The following PIGK variants were observed in gnomAD, a reference collection of about 807,000 sequenced individuals.
The protein encoded by PIGK is GPI-anchor transamidase.
Under a neutral mutation model 50.6 loss-of-function variants are expected in PIGK, and 42 were observed. The observed-to-expected ratio is 0.83, with a 90% CI of 0.65 to 1.07. The LOEUF is 1.07. Among genes scored for constraint, PIGK ranks in the 50% least tolerant of loss-of-function variants. The pLI, the probability that PIGK is intolerant of heterozygous loss-of-function variation, is 0.00. For missense variants in PIGK, 448 were observed against 488.7 expected, an observed-to-expected ratio of 0.92 and a Z score of 0.78; for synonymous variants, 151 against 156.0, an observed-to-expected ratio of 0.97 and a Z score of 0.24.
intron 3 of PIGK, among the ~76,000 whole-genome samples, chr1:77,170,929 T>C (rs921818926): frequency 1.3e-5 from 2 of 152,268 alleles, no homozygotes; most frequent in Admixed American, 1.3e-4. Flanking sequence ...GCTAGATTTC[T>C]ACTTTGAAAG....
At chr1:77,159,827 A>C (rs1655096072) in intron 8 of PIGK, among the ~76,000 whole-genome samples, 1 of 152,184 alleles carries the variant, frequency 6.6e-6, no homozygotes, top group Non-Finnish European at 1.5e-5. Context: ...TTGCAGGCTC[A>C]CAGGCAGAAG....
chr1:77,163,849 C>T lies in PIGK; in HGVS notation c.581G>A (p.Arg194Lys). 1 of 1,584,022 alleles carries T rather than the reference C, an allele frequency of 6.3e-7. No homozygotes were observed. The highest frequency in any genetic ancestry group is 1.3e-5 in the African/African-American group (1 of 74,302). ...AAAGAAGTAATTTGCTAATTACCGT[C>T]TTTTCTGCCACATTTGTTCAAAAGC... ...ADAFEQMWQK[R>K]RYNELLFIID... Residue 194 changes from arginine (R) to lysine (K), a missense_variant, in exon 6 of 11, where the codon AGA (arginine) becomes AAA (lysine). Transcript: ENST00000370812.
chr1:77,130,769 G>A (rs554608764), intron 9 of PIGK, among the ~76,000 whole-genome samples: 3 of 152,200 alleles, frequency 2.0e-5, no homozygotes, highest in African/African-American at 7.2e-5. Context: ...TCCTAGAAAG[G>A]CAGAATGTAG....
At chr1:77,152,835 A>T (rs1654923043) in intron 9 of PIGK, among the ~76,000 whole-genome samples, 1 of 152,234 alleles carries the variant, frequency 6.6e-6, no homozygotes, top group Non-Finnish European at 1.5e-5. Flanking sequence ...ATCTCATCTC[A>T]GTTAGCTTAT....
At chr1:77,099,544 A>T (rs1653496009) in intron 10 of PIGK, among the ~76,000 whole-genome samples, 2 of 152,170 alleles carry the variant, frequency 1.3e-5, no homozygotes, top group African/African-American at 4.8e-5. Context: ...AGAAAAAGTA[A>T]CCCGGATAGC....
intron 10 of PIGK, among the ~76,000 whole-genome samples, chr1:77,111,834 A>G (rs1653851760): frequency 1.3e-5 from 2 of 152,156 alleles, no homozygotes; most frequent in African/African-American, 4.8e-5. Context: ...ATCTATTGGC[A>G]TATTTTAAAC....
At chr1:77,133,993 A>T (rs908818243) in intron 9 of PIGK, among the ~76,000 whole-genome samples, 1 of 152,202 alleles carries the variant, frequency 6.6e-6, no homozygotes, top group Non-Finnish European at 1.5e-5. Flanking sequence ...TCTCACCTAT[A>T]GCGCAGAGGT....
rs533138750 is a variant in PIGK at position 77,113,655 on chromosome 1, A to G, written c.1071+8620T>C. 2.6e-5 allele frequency among the ~76,000 whole-genome samples: 4 copies of G among 152,246 alleles called. No individual in the cohort carries two copies. The South Asian group carries it at 8.3e-4, about 32-fold the overall frequency. On this transcript the variant is annotated intron_variant, in intron 10 of 10. Coordinates refer to ENST00000370812, the MANE Select transcript of PIGK (RefSeq NM_005482.3). Reference sequence around the variant, plus strand: ...ATTCTCCTTATCATCAGTTTTATGGAAATTAAAAATGATTTTATTGAAAAT... The same window carrying G: ...ATTCTCCTTATCATCAGTTTTATGGGAATTAAAAATGATTTTATTGAAAAT...
At chr1:77,211,467 C>T (rs1656419653) in intron 1 of PIGK, among the ~76,000 whole-genome samples, 1 of 151,902 alleles carries the variant, frequency 6.6e-6, no homozygotes, top group South Asian at 2.1e-4. Flanking sequence ...AGTGATCACT[C>T]TCTACAGTGA....
At chr1:77,213,514 T>C (rs949692329) in intron 1 of PIGK, among the ~76,000 whole-genome samples, 3 of 152,060 alleles carry the variant, frequency 2.0e-5, no homozygotes, top group African/African-American at 7.2e-5. Context: ...TTTCCTTTAA[T>C]ACATGAAAAT....
At chr1:77,119,457 T>C (rs1343654687) in intron 10 of PIGK, among the ~76,000 whole-genome samples, 1 of 152,228 alleles carries the variant, frequency 6.6e-6, no homozygotes, top group Non-Finnish European at 1.5e-5. Context: ...CTATCAATTT[T>C]ATTTAAGAAG....
At chr1:77,130,174 CTTTG>C (rs1654335830) in intron 9 of PIGK, among the ~76,000 whole-genome samples, 1 of 137,212 alleles carries the variant, frequency 7.3e-6, no homozygotes, top group Non-Finnish European at 1.5e-5. Context: ...TCTCTTTTAA[CTTTG>C]TTTGCATTGT....
chr1:77,156,646 T>C (rs1374519892), intron 8 of PIGK, among the ~76,000 whole-genome samples: 2 of 152,178 alleles, frequency 1.3e-5, no homozygotes, highest in Non-Finnish European at 2.9e-5. Context: ...CCAACTTCCA[T>C]GTGTCTGCGG....
chr1:77,181,012 C>A (rs1196873695), intron 3 of PIGK, among the ~76,000 whole-genome samples: 1 of 152,164 alleles, frequency 6.6e-6, no homozygotes, highest in Non-Finnish European at 1.5e-5. Context: ...TCCCTTACCA[C>A]TTTTTGGTTA....
intron 1 of PIGK, among the ~76,000 whole-genome samples, chr1:77,218,627 C>T (rs1570270768): frequency 6.6e-6 from 1 of 152,066 alleles, no homozygotes; most frequent in South Asian, 2.1e-4. Context: ...CTGACTATCC[C>T]GGATTCTTAG....
At chr1:77,193,289 CCTAA>C (rs1655954819) in intron 3 of PIGK, among the ~76,000 whole-genome samples, 10 of 117,122 alleles carry the variant, frequency 8.5e-5, no homozygotes, top group Admixed American at 5.3e-4. Context: ...GTGTGTTTCT[CCTAA>C]GCTTTGTTCT....
chr1:77,175,038 C>T (rs1296988946), intron 3 of PIGK, among the ~76,000 whole-genome samples: 1 of 151,962 alleles, frequency 6.6e-6, no homozygotes, highest in Non-Finnish European at 1.5e-5. Flanking sequence ...AAAGAAGAAA[C>T]CATAAAGCTT....
In PIGK at chr1:77,163,847, G is replaced by A. The variant is rs151148520; in HGVS notation, c.583C>T (p.Arg195Cys). Residue 195 changes from arginine to cysteine, a missense_variant and splice_region_variant, in exon 6 of 11, where the codon CGC becomes TGC. By Grantham distance (180) the Arg-to-Cys change is radical. Transcript: ENST00000370812. Reference protein sequence around the residue: ...DAFEQMWQKRRYNELLFIIDT... With the variant: ...DAFEQMWQKRCYNELLFIIDT... ...GAAAAGAAGTAATTTGCTAATTACC[G>A]TCTTTTCTGCCACATTTGTTCAAAA... 1.9e-4 allele frequency: 302 copies of A among 1,563,492 alleles called. No homozygotes were observed. The highest frequency in any genetic ancestry group is 2.5e-4 in the South Asian group (22 of 88,612).
chr1:77,095,291 C>A (rs1245757256), intron 10 of PIGK, among the ~76,000 whole-genome samples: 1 of 152,128 alleles, frequency 6.6e-6, no homozygotes, highest in Non-Finnish European at 1.5e-5. Flanking sequence ...CTGACAGTTT[C>A]CCAGAAACAA....
Sources: gnomAD v4.1 joint callset for allele counts (sites outside exome capture counted in the v4.1 genomes callset) on GRCh38, gnomAD v4.1.1 for gene constraint, MANE v1.5 for transcripts, NCBI Gene and HGNC (gene_info 2026-07-23, HGNC 2026-07-21) for gene names.